The following PHF24 variants were observed in gnomAD, a reference collection of about 807,000 sequenced individuals.
The protein encoded by PHF24 is PHD finger protein 24, also known as Galpha inhibitory interacting protein.
Under a neutral mutation model 42.6 loss-of-function variants are expected in PHF24, and 25 were observed. The ratio of observed to expected loss-of-function variants is 0.59; its 90% CI spans 0.43 to 0.82. The LOEUF is 0.82. Among genes scored for constraint, PHF24 ranks in the 40% least tolerant of loss-of-function variants. PHF24 has a pLI of 0.00. For missense variants in PHF24, 470 were observed against 538.1 expected, an observed-to-expected ratio of 0.87 and a Z score of 1.25; for synonymous variants, 185 against 204.8, an observed-to-expected ratio of 0.90 and a Z score of 0.83.
At chr9:34,868,809 T>C in the PHF24 span, among the ~76,000 whole-genome samples, 94 of 152,252 alleles carry the variant, frequency 6.2e-4, no homozygotes, top group African/African-American at 2.1e-3. Context: ...GTTCGTTACA[T>C]AGGTAAATGT....
chr9:34,767,364 G>C, the PHF24 span, among the ~76,000 whole-genome samples: 1 of 152,236 alleles, frequency 6.6e-6, no homozygotes, highest in Non-Finnish European at 1.5e-5. Flanking sequence ...CACCCAGTTC[G>C]AGCTTCCAGG....
the PHF24 span, among the ~76,000 whole-genome samples, chr9:34,796,015 A>G: frequency 1.3e-5 from 2 of 151,994 alleles, no homozygotes; most frequent in African/African-American, 4.8e-5. Flanking sequence ...AGAAAGAGAG[A>G]GAGAAAGAAA....
the PHF24 span, chr9:34,894,626 A>T: frequency 2.5e-6 from 1 of 397,374 alleles, no homozygotes; most frequent in African/African-American, 2.1e-5. Context: ...ACTAAGTCAC[A>T]TCTGTGTATA....
chr9:34,730,415 C>G, the PHF24 span, among the ~76,000 whole-genome samples: 3 of 151,524 alleles, frequency 2.0e-5, no homozygotes, highest in Non-Finnish European at 2.9e-5. Context: ...TAATGGTGGT[C>G]TCAGGCCAAG....
the PHF24 span, among the ~76,000 whole-genome samples, chr9:34,809,502 G>A: frequency 1.3e-5 from 2 of 152,220 alleles, no homozygotes; most frequent in Admixed American, 1.3e-4. The surrounding 1 kb of genome is among the most constrained non-coding windows in gnomAD (Gnocchi z 4.1). Flanking sequence ...TCCTGCTGGA[G>A]ATGGGAGACC....
upstream of PHF24, among the ~76,000 whole-genome samples, chr9:34,954,398 G>A (rs1826323550): frequency 6.6e-6 from 1 of 152,194 alleles, no homozygotes; most frequent in Admixed American, 6.5e-5. Flanking sequence ...AGGGATGAAT[G>A]CCCTAAATCT....
chr9:34,917,853 C>T, the PHF24 span: 33 of 1,508,140 alleles, frequency 2.2e-5, no homozygotes, highest in Admixed American at 1.7e-5. Flanking sequence ...CATCTTGCAT[C>T]GTGTGTGTGA....
At chr9:34,733,738 T>C in the PHF24 span, among the ~76,000 whole-genome samples, 1 of 152,082 alleles carries the variant, frequency 6.6e-6, no homozygotes, top group African/African-American at 2.4e-5. Flanking sequence ...CCTAGTCTCA[T>C]GCAATCCTCC....
chr9:34,727,938 C>T, the PHF24 span: 1 of 1,274,454 alleles, frequency 7.8e-7, no homozygotes, highest in Non-Finnish European at 1.1e-6. Context: ...CATTATCTTT[C>T]TCCTTAGTCC....
chr9:34,934,584 A>C, the PHF24 span, among the ~76,000 whole-genome samples: 1 of 151,844 alleles, frequency 6.6e-6, no homozygotes, highest in East Asian at 1.9e-4. Flanking sequence ...TGGAAAAAAA[A>C]CAGGACCTCC....
At chr9:34,716,565 CTTTGTTTTGTTTTGTTTTGTTTTGT>C in the PHF24 span, among the ~76,000 whole-genome samples, 6 of 148,212 alleles carry the variant, frequency 4.0e-5, no homozygotes, top group Admixed American at 6.7e-5. Context: ...TTTTGTTTTG[CTTTGTTTTGTTTTGTTTTGTTTTGT>C]TTTGTTTTGT....
At chr9:34,888,474 T>C in the PHF24 span, among the ~76,000 whole-genome samples, 4 of 152,226 alleles carry the variant, frequency 2.6e-5, no homozygotes, top group African/African-American at 7.2e-5. Flanking sequence ...CTAGGCAGCA[T>C]TCTTTCCATG....
intron 3 of PHF24, 29 bp from the exon 4 acceptor site, chr9:34,976,123 C>T (rs1816022106): frequency 6.4e-7 from 1 of 1,568,300 alleles, no homozygotes; most frequent in East Asian, 2.2e-5. Flanking sequence ...GCCTGTATGG[C>T]CACCGACTCA....
the PHF24 span, among the ~76,000 whole-genome samples, chr9:34,781,718 TA>T: frequency 6.6e-6 from 1 of 151,172 alleles, no homozygotes; most frequent in African/African-American, 2.4e-5. Flanking sequence ...GTAAGGCTGT[TA>T]GGGAAAAAAA....
intron 3 of PHF24, among the ~76,000 whole-genome samples, chr9:34,974,977 T>C (rs7045765): frequency 0.51 from 76,828 of 151,904 alleles, 21,112 homozygotes; most frequent in Non-Finnish European, 0.62. Flanking sequence ...TTCATTCTCA[T>C]GTCTCAGTTT....
the PHF24 span, among the ~76,000 whole-genome samples, chr9:34,730,638 A>G: frequency 6.6e-6 from 1 of 152,274 alleles, no homozygotes; most frequent in Non-Finnish European, 1.5e-5. Flanking sequence ...GCAAGAGCCA[A>G]CAATCACTAC....
chr9:34,978,864 G>A (rs1563940014), exon 8 of PHF24: 1 of 152,156 alleles, frequency 6.6e-6, no homozygotes, highest in African/African-American at 2.4e-5. Context: ...GAACCTCTCA[G>A]TCAGGTCACC....
chr9:34,962,021 T>C (rs144794908), intron 1 of PHF24, among the ~76,000 whole-genome samples: 4 of 152,238 alleles, frequency 2.6e-5, no homozygotes, highest in African/African-American at 9.6e-5. Context: ...CTACGAGCTC[T>C]TAGGTTGCGA....
chr9:34,856,871 T>A, the PHF24 span, among the ~76,000 whole-genome samples: 1 of 152,220 alleles, frequency 6.6e-6, no homozygotes, highest in Non-Finnish European at 1.5e-5. Flanking sequence ...ATAAGTTGGC[T>A]GAACCACAAA....
Sources: gnomAD v4.1 joint callset for allele counts (sites outside exome capture counted in the v4.1 genomes callset) on GRCh38, gnomAD v4.1.1 for gene constraint, Gnocchi (gnomAD v3.1) non-coding constraint, MANE v1.5 for transcripts, NCBI Gene and HGNC (gene_info 2026-07-23, HGNC 2026-07-21) for gene names.